PARD3B: variants seen among roughly 807,000 people sequenced by gnomAD.
The protein encoded by PARD3B is par-3 family cell polarity regulator beta, also known as partitioning defective 3 homolog B.
In PARD3B, 103 loss-of-function variants were observed where a neutral mutation model predicts 130.2. The ratio of observed to expected loss-of-function variants is 0.79; its 90% CI spans 0.67 to 0.93. The LOEUF (loss-of-function observed/expected upper bound fraction) is 0.93. Ranked by LOEUF, PARD3B falls within the 40% of genes least tolerant of loss-of-function variation. The pLI is 0.00. For synonymous variants in PARD3B, 583 were observed against 553.2 expected (o/e 1.05, Z -0.76); for missense variants, 1,609 against 1,499.2 (o/e 1.07, Z -1.21).
At chr2:205,404,088 A>G (rs1356976875) in intron 19 of PARD3B, among the ~76,000 whole-genome samples, 15 of 152,194 alleles carry the variant, frequency 9.9e-5, no homozygotes. Context: ...TAACTCTACC[A>G]TAATCCCATA....
chr2:205,145,610 G>C (rs1318901387), intron 10 of PARD3B, among the ~76,000 whole-genome samples: 1 of 152,082 alleles, frequency 6.6e-6, no homozygotes, highest in African/African-American at 2.4e-5. Context: ...TGACCTACAA[G>C]GTATCTCTGT....
intron 15 of PARD3B, among the ~76,000 whole-genome samples, chr2:205,224,109 C>T (rs1164129755): frequency 6.7e-6 from 1 of 149,204 alleles, no homozygotes; most frequent in Non-Finnish European, 1.5e-5. Context: ...GTGGCTCACA[C>T]CTGTAATCCC....
At position 204,870,308 on chromosome 2, in the gene PARD3B, A is replaced by G. The variant is rs923388072; in HGVS notation, c.223-94844A>G. ...CAGAATACCTCTTACTGTAACTATAATTCAGAATATCCCTAGCTGAAGTTA... is the reference window on the plus strand; with the variant it reads ...CAGAATACCTCTTACTGTAACTATAGTTCAGAATATCCCTAGCTGAAGTTA... On this transcript the variant is annotated intron_variant, in intron 2 of 22. Coordinates refer to ENST00000406610, the MANE Select transcript of PARD3B (RefSeq NM_001302769.2). Among the ~76,000 whole-genome samples the G allele has an allele frequency of 1.2e-4, 19 of 152,302 alleles. No homozygotes were observed. The South Asian group carries it at 2.7e-3, about 22-fold the overall frequency.
intron 2 of PARD3B, among the ~76,000 whole-genome samples, chr2:204,920,795 C>T (rs947622138): frequency 6.6e-6 from 1 of 152,104 alleles, no homozygotes; most frequent in Admixed American, 6.5e-5. Flanking sequence ...GCGAGACTGC[C>T]CTGCTCCTTT....
rs2047606709 is a variant in PARD3B, at chr2:205,438,728, G to A, written c.2742-1642G>A. On this transcript the variant is annotated intron_variant, in intron 19 of 22. Coordinates refer to ENST00000406610, the MANE Select transcript of PARD3B (RefSeq NM_001302769.2). ...AGGCCCTTAACGGGTACCCTACTGT[G>A]TAATCTTCCTTTCATCTTAATTCAG... 2.6e-5 allele frequency among the ~76,000 whole-genome samples: 4 copies of A among 152,246 alleles called. No homozygotes were observed. The South Asian group carries it at 6.2e-4, about 24-fold the overall frequency.
chr2:205,375,498 A>T (rs1314315018), intron 18 of PARD3B, among the ~76,000 whole-genome samples: 1 of 152,176 alleles, frequency 6.6e-6, no homozygotes, highest in Non-Finnish European at 1.5e-5. Flanking sequence ...TTAAACACAC[A>T]CACATTTATA....
chr2:205,244,784 A>G lies in PARD3B; in HGVS notation c.2141-994A>G, dbSNP rs1388378367. Among the ~76,000 whole-genome samples the G allele has an allele frequency of 6.6e-6, 1 of 152,158 alleles. No homozygotes were observed. Among genetic ancestry groups the G allele is most frequent in the African/African-American group, 2.4e-5 (1 of 41,432 alleles). On this transcript the variant is annotated intron_variant, in intron 15 of 22. Coordinates refer to ENST00000406610, the MANE Select transcript of PARD3B (RefSeq NM_001302769.2). The surrounding 1 kb of genome is among the most constrained non-coding windows in gnomAD (Gnocchi z 4.7). ...AACGAATCCGTTTCATCAGAGCTCC[A>G]TTAATCTAGAGTTAGTTTTTCCCCG...
chr2:204,661,192 C>T (rs1057143717), intron 1 of PARD3B, among the ~76,000 whole-genome samples: 1 of 152,082 alleles, frequency 6.6e-6, no homozygotes, highest in Non-Finnish European at 1.5e-5. Flanking sequence ...CAGGTAGTAA[C>T]CCTTCCTCTT....
At chr2:205,497,427 A>T (rs1276000522) in intron 20 of PARD3B, among the ~76,000 whole-genome samples, 40 of 123,682 alleles carry the variant, frequency 3.2e-4, no homozygotes, top group East Asian at 1.7e-3. Flanking sequence ...TTTACTCACC[A>T]TTTTTTTTTT....
intron 2 of PARD3B, among the ~76,000 whole-genome samples, chr2:204,713,414 C>A (rs1249440774): frequency 1.4e-5 from 2 of 141,910 alleles, no homozygotes; most frequent in African/African-American, 6.2e-5. Context: ...AATAGACGTA[C>A]CATAAAATTT....
At chr2:205,552,204 C>T (rs1232932603) in intron 21 of PARD3B, among the ~76,000 whole-genome samples, 4 of 151,860 alleles carry the variant, frequency 2.6e-5, no homozygotes, top group South Asian at 4.2e-4. Context: ...AAACACAGGA[C>T]GTACAGAGGA....
At chr2:205,194,775 T>C (rs962920603) in intron 15 of PARD3B, among the ~76,000 whole-genome samples, 1 of 151,804 alleles carries the variant, frequency 6.6e-6, no homozygotes, top group Non-Finnish European at 1.5e-5. Context: ...TACATTTTAA[T>C]TTTATTATTA....
intron 4 of PARD3B, among the ~76,000 whole-genome samples, chr2:205,053,836 G>A (rs138756079): frequency 1.3e-5 from 2 of 151,696 alleles, no homozygotes; most frequent in East Asian, 3.9e-4. Flanking sequence ...CAAAACAGGG[G>A]GAGAAATAGC....
At chr2:204,600,198 C>T (rs985899288) in intron 1 of PARD3B, among the ~76,000 whole-genome samples, 4 of 151,640 alleles carry the variant, frequency 2.6e-5, no homozygotes, top group Non-Finnish European at 4.4e-5. Flanking sequence ...TTTATTTATG[C>T]TTTTGTTGCT....
At chr2:205,474,509 G>A (rs1402119618) in intron 20 of PARD3B, among the ~76,000 whole-genome samples, 4 of 152,024 alleles carry the variant, frequency 2.6e-5, no homozygotes, top group Non-Finnish European at 1.5e-5. Flanking sequence ...TGAAACCATC[G>A]CTTTTAAGGT....
At chr2:204,891,666 T>A (rs1478891171) in intron 2 of PARD3B, among the ~76,000 whole-genome samples, 1 of 152,204 alleles carries the variant, frequency 6.6e-6, no homozygotes, top group East Asian at 1.9e-4. Context: ...GCCACATTCT[T>A]CTCTGAACTC....
At chr2:205,247,527 C>T (rs2039621879) in intron 16 of PARD3B, among the ~76,000 whole-genome samples, 1 of 152,146 alleles carries the variant, frequency 6.6e-6, no homozygotes, top group Non-Finnish European at 1.5e-5. Flanking sequence ...GAAATAGTTC[C>T]AACAGTCTTT....
intron 2 of PARD3B, among the ~76,000 whole-genome samples, chr2:204,794,062 G>A (rs2042286782): frequency 6.6e-6 from 1 of 152,132 alleles, no homozygotes; most frequent in Non-Finnish European, 1.5e-5. Flanking sequence ...AGGGGAGATT[G>A]AAATAGGCTT....
intron 16 of PARD3B, among the ~76,000 whole-genome samples, chr2:205,285,003 T>TG (rs1388344181): frequency 1.3e-5 from 2 of 151,746 alleles, no homozygotes; most frequent in South Asian, 2.1e-4. Flanking sequence ...GTTTTTTTTT[T>TG]TTTTTGTGGG....
Sources: gnomAD v4.1 joint callset for allele counts (sites outside exome capture counted in the v4.1 genomes callset) on GRCh38, gnomAD v4.1.1 for gene constraint, Gnocchi (gnomAD v3.1) non-coding constraint, MANE v1.5 for transcripts, NCBI Gene and HGNC (gene_info 2026-07-23, HGNC 2026-07-21) for gene names.